Variants in CEP63 observed in about 807,000 individuals in gnomAD.
CEP63 encodes centrosomal protein 63, also known as centrosomal protein of 63 kDa.
CEP63 carries 84 observed loss-of-function variants against 89.1 expected under a neutral mutation model. The ratio of observed to expected loss-of-function variants is 0.94; its 90% CI spans 0.79 to 1.13. CEP63 has a LOEUF of 1.13. CEP63 is among the 50% of genes most tolerant of loss of function. CEP63 has a pLI of 0.00. For synonymous variants in CEP63, 267 were observed against 272.5 expected, an observed-to-expected ratio of 0.98 and a Z score of 0.20; for missense variants, 838 against 813.3, an observed-to-expected ratio of 1.03 and a Z score of -0.37.
the CEP63 span, among the ~76,000 whole-genome samples, chr3:134,780,928 T>C: frequency 6.6e-6 from 1 of 152,172 alleles, no homozygotes; most frequent in African/African-American, 2.4e-5. Flanking sequence ...TTAATATTGG[T>C]TTTCAGTCCA....
chr3:134,512,513 T>C (rs1945216913), intron 3 of CEP63, among the ~76,000 whole-genome samples: 1 of 152,234 alleles, frequency 6.6e-6, no homozygotes, highest in Non-Finnish European at 1.5e-5. Context: ...TTTATATTTA[T>C]ACTTGTCACA....
chr3:134,561,428 G>A lies in CEP63; in HGVS notation c.2005G>A (p.Glu669Lys). ...LGSIATRFLE[E>K]EELRSHHILE... is the part of the protein sequence containing the mutation. ...TTCAATAGCTACCAGATTTTTGGAA[G>A]AGGAGGAACTGAGGTCTCATCACAT... Residue 669 changes from glutamate to lysine, a missense_variant, in exon 15 of 15, where the codon GAG becomes AAG. Coordinates refer to ENST00000675561, the MANE Select transcript of CEP63 (RefSeq NM_001353108.3). The A allele has an allele frequency of 6.2e-7, 1 of 1,614,028 alleles. No homozygotes were observed. The highest frequency in any genetic ancestry group is 8.5e-7 in the Non-Finnish European group (1 of 1,179,946).
the CEP63 span, among the ~76,000 whole-genome samples, chr3:134,659,572 T>G: frequency 6.6e-6 from 1 of 152,160 alleles, no homozygotes; most frequent in Non-Finnish European, 1.5e-5. Flanking sequence ...TCTGCACGTT[T>G]CAGTGAAAAG....
At chr3:134,737,294 G>A in the CEP63 span, among the ~76,000 whole-genome samples, 1 of 152,212 alleles carries the variant, frequency 6.6e-6, no homozygotes, top group East Asian at 1.9e-4. Flanking sequence ...AGAAAGATTG[G>A]TGATTTCAAT....
At chr3:134,638,049 T>C in the CEP63 span, among the ~76,000 whole-genome samples, 1 of 152,222 alleles carries the variant, frequency 6.6e-6, no homozygotes, top group South Asian at 2.1e-4. Flanking sequence ...GTGCTGCTGC[T>C]TAGCATTCCC....
chr3:134,485,991 G>GCGCCCCC, upstream of CEP63: 3 of 938,164 alleles, frequency 3.2e-6, no homozygotes, highest in South Asian at 4.9e-5. Context: ...CTCCTGCCAC[G>GCGCCCCC]CCCCCCCCCC....
chr3:134,608,657 A>G, the CEP63 span: 2 of 1,613,976 alleles, frequency 1.2e-6, no homozygotes, highest in African/African-American at 1.3e-5. Flanking sequence ...ACCTGTTCTG[A>G]TCATGGAAGT....
chr3:134,583,519 G>A (rs1958411772), intron 10 of CEP63, among the ~76,000 whole-genome samples: 1 of 152,042 alleles, frequency 6.6e-6, no homozygotes, highest in Non-Finnish European at 1.5e-5. Context: ...TGAGGGCTCT[G>A]TTCTGTTCCA....
chr3:134,572,101 C>T (rs1484368756), intron 11 of CEP63, among the ~76,000 whole-genome samples: 1 of 152,136 alleles, frequency 6.6e-6, no homozygotes, highest in Non-Finnish European at 1.5e-5. Context: ...TGGGAAGTGT[C>T]TGTGGACTCC....
chr3:134,492,861 T>A (rs533835823), intron 1 of CEP63, among the ~76,000 whole-genome samples: 1 of 152,246 alleles, frequency 6.6e-6, no homozygotes, highest in Non-Finnish European at 1.5e-5. Flanking sequence ...GGACTATAAT[T>A]TTTAGTTTAT....
At chr3:134,597,428 AC>A in the CEP63 span, among the ~76,000 whole-genome samples, 1 of 152,120 alleles carries the variant, frequency 6.6e-6, no homozygotes, top group Non-Finnish European at 1.5e-5. Flanking sequence ...CAGAACCCTC[AC>A]CCAGTCTTTC....
At chr3:134,738,027 T>G in the CEP63 span, among the ~76,000 whole-genome samples, 1 of 152,134 alleles carries the variant, frequency 6.6e-6, no homozygotes, top group African/African-American at 2.4e-5. Flanking sequence ...GCAAGAATGC[T>G]GGGAAGTGTG....
chr3:134,738,246 TCATACACACACACA>T, the CEP63 span, among the ~76,000 whole-genome samples: 1 of 55,834 alleles, frequency 1.8e-5, no homozygotes, highest in Non-Finnish European at 3.5e-5. Flanking sequence ...TAGTATTCCA[TCATACACACACACA>T]CACACACACA....
In CEP63 at chr3:134,570,726, A is replaced by G. The variant is rs142071770; in HGVS notation, c.1330-4067A>G. Among the ~76,000 whole-genome samples, 966 of 152,304 alleles carry G rather than the reference A, an allele frequency of 6.3e-3. 6 individuals are homozygous for G. Among genetic ancestry groups the G allele is most frequent in the African/African-American group, 0.022 (928 of 41,564 alleles). On this transcript the variant is annotated intron_variant, in intron 11 of 11. Coordinates refer to the CEP63 transcript ENST00000354446. ...CACATTTTCAGGTATCTTTTCAGCA[A>G]CACCCCACTCTACTGGTACCAATTT... is the stretch of plus-strand genomic sequence containing the variant.
At chr3:134,650,213 G>A in the CEP63 span, among the ~76,000 whole-genome samples, 1 of 152,216 alleles carries the variant, frequency 6.6e-6, no homozygotes, top group African/African-American at 2.4e-5. Flanking sequence ...TGTAGGACAA[G>A]TAAAATTGAT....
the CEP63 span, among the ~76,000 whole-genome samples, chr3:134,751,269 T>A: frequency 6.6e-6 from 1 of 152,242 alleles, no homozygotes; most frequent in Non-Finnish European, 1.5e-5. Flanking sequence ...ACATACCACT[T>A]TTCATTTATC....
chr3:134,697,902 A>C, the CEP63 span, among the ~76,000 whole-genome samples: 1 of 152,246 alleles, frequency 6.6e-6, no homozygotes. Flanking sequence ...GTGGAGCTCC[A>C]GCTGGCTGGC....
chr3:134,489,515 C>T (rs1166567612), intron 1 of CEP63, among the ~76,000 whole-genome samples: 2 of 152,030 alleles, frequency 1.3e-5, no homozygotes. Flanking sequence ...GTAGTTAGCT[C>T]CATCCACCCA....
chr3:134,663,577 C>T, the CEP63 span, among the ~76,000 whole-genome samples: 3 of 152,332 alleles, frequency 2.0e-5, no homozygotes, highest in South Asian at 2.1e-4. Flanking sequence ...TCAGTCTGTC[C>T]GTCTGCTCAG....
Sources: gnomAD v4.1 joint callset for allele counts (sites outside exome capture counted in the v4.1 genomes callset) on GRCh38, gnomAD v4.1.1 for gene constraint, MANE v1.5 for transcripts, NCBI Gene and HGNC (gene_info 2026-07-23, HGNC 2026-07-21) for gene names.